The following SEPTIN9 variants were observed in gnomAD, a reference collection of about 807,000 sequenced individuals.
SEPTIN9 encodes the protein septin-9.
In SEPTIN9, 13 loss-of-function variants were observed where a neutral mutation model predicts 56.6. The observed-to-expected ratio is 0.23, with a 90% CI of 0.15 to 0.37. The LOEUF is 0.37. Among genes scored for constraint, SEPTIN9 ranks in the 10% least tolerant of loss-of-function variants. SEPTIN9 has a pLI of 1.00. For missense variants in SEPTIN9, 650 were observed against 823.1 expected (o/e 0.79, Z 2.57); for synonymous variants, 332 against 334.1 (o/e 0.99, Z 0.07).
At chr17:77,409,462 G>C (rs2036211192) in intron 3 of SEPTIN9, among the ~76,000 whole-genome samples, 1 of 151,596 alleles carries the variant, frequency 6.6e-6, no homozygotes, top group African/African-American at 2.4e-5. Flanking sequence ...GGAATGCAGC[G>C]GGTGCCGAGC....
At chr17:77,340,022 C>T (rs2033677870) in intron 2 of SEPTIN9, among the ~76,000 whole-genome samples, 2 of 147,196 alleles carry the variant, frequency 1.4e-5, no homozygotes, top group South Asian at 4.3e-4. Context: ...GATGAGGTTT[C>T]ACCACCATGT....
intron 3 of SEPTIN9, among the ~76,000 whole-genome samples, chr17:77,477,368 A>C (rs1280472795): frequency 6.6e-6 from 1 of 152,136 alleles, no homozygotes; most frequent in Admixed American, 6.5e-5. Flanking sequence ...AGATGTACTT[A>C]TTCTGAACAT....
At chr17:77,491,710 G>A (rs1397327547) in intron 8 of SEPTIN9, among the ~76,000 whole-genome samples, 1 of 150,712 alleles carries the variant, frequency 6.6e-6, no homozygotes, top group African/African-American at 2.5e-5. Context: ...GGAGGCTGAG[G>A]CAGGAGAATC....
chr17:77,477,350 G>A (rs1025146986), intron 3 of SEPTIN9, among the ~76,000 whole-genome samples: 1 of 152,062 alleles, frequency 6.6e-6, no homozygotes, highest in African/African-American at 2.4e-5. Context: ...TCTGCGCTTT[G>A]TCCCTACAGA....
chr17:77,353,609 A>C (rs1015929975), intron 2 of SEPTIN9, among the ~76,000 whole-genome samples: 1 of 151,998 alleles, frequency 6.6e-6, no homozygotes, highest in Non-Finnish European at 1.5e-5. Context: ...TCAGAATGTA[A>C]TGTTATTGGG....
chr17:77,466,054 T>TCACA (rs10599395), intron 3 of SEPTIN9, among the ~76,000 whole-genome samples: 1,407 of 127,414 alleles, frequency 0.011, 14 homozygotes, highest in African/African-American at 0.013. Context: ...TTCTGGACTG[T>TCACA]CACACACACA....
In SEPTIN9 at chr17:77,363,569, G is replaced by A. The variant is rs529164863; in HGVS notation, c.77-38490G>A. On this transcript the variant is annotated intron_variant, in intron 2 of 11. Transcript: ENST00000427177. ...CACCCGGCTAATTTTTGTATTTTTA[G>A]TAGAGATGGTGTTTCACCATGTTGG... is the stretch of plus-strand genomic sequence containing the variant. Among the ~76,000 whole-genome samples, 3 of 151,908 alleles carry A rather than the reference G, an allele frequency of 2.0e-5. No homozygotes were observed. In the East Asian group the frequency reaches 5.8e-4, roughly 29 times the overall value.
Position 77,476,675 on chromosome 17 carries a change from C to T in SEPTIN9, c.722-5469C>T, listed in dbSNP as rs2039227013. On this transcript the variant is annotated intron_variant, in intron 3 of 11. Coordinates refer to ENST00000427177, the MANE Select transcript of SEPTIN9 (RefSeq NM_001113491.2). The surrounding 1 kb of genome is among the most constrained non-coding windows in gnomAD (Gnocchi z 6.0). ...AGCGCCAGTGAATGGCAGAGGGGCC[C>T]TGGCATAAGGCCTGGGTTCAGAATG... 6.6e-6 allele frequency among the ~76,000 whole-genome samples: 1 copy of T among 152,240 alleles called. No homozygotes were observed. The highest frequency in any genetic ancestry group is 1.5e-5 in the Non-Finnish European group (1 of 68,030).
chr17:77,346,244 C>A (rs1173228540), intron 2 of SEPTIN9, among the ~76,000 whole-genome samples: 1 of 140,326 alleles, frequency 7.1e-6, no homozygotes, highest in Non-Finnish European at 1.5e-5. Context: ...GCACCTGGCC[C>A]ATTTTTCCAG....
At chr17:77,298,085 C>G (rs936275208) in intron 1 of SEPTIN9, among the ~76,000 whole-genome samples, 6 of 152,210 alleles carry the variant, frequency 3.9e-5, no homozygotes, top group Non-Finnish European at 8.8e-5. Context: ...ACCCTCCCTC[C>G]AAAGCTCAGT....
rs113210153 is a variant in SEPTIN9 at position 77,473,846 on chromosome 17, C to G, written c.722-8298C>G. ...AAGTAGACACTCAATAAATACTTGTCAAATGAATCAATGTTATGGTCCTGG... is the reference window on the plus strand; with the variant it reads ...AAGTAGACACTCAATAAATACTTGTGAAATGAATCAATGTTATGGTCCTGG... On this transcript the variant is annotated intron_variant, in intron 3 of 11. Coordinates refer to ENST00000427177, the MANE Select transcript of SEPTIN9 (RefSeq NM_001113491.2). Among the ~76,000 whole-genome samples the G allele has an allele frequency of 9.9e-3, 1,504 of 152,282 alleles. 22 individuals are homozygous for G. Among genetic ancestry groups the G allele is most frequent in the African/African-American group, 0.033 (1,365 of 41,554 alleles).
intron 3 of SEPTIN9, among the ~76,000 whole-genome samples, chr17:77,460,650 G>A (rs1258332528): frequency 6.6e-6 from 1 of 152,138 alleles, no homozygotes; most frequent in East Asian, 1.9e-4. Context: ...CAGCAGCTGG[G>A]GGCTCCTGTG....
intron 2 of SEPTIN9, among the ~76,000 whole-genome samples, chr17:77,401,603 A>G (rs1224152418): frequency 6.6e-6 from 1 of 151,898 alleles, no homozygotes; most frequent in Non-Finnish European, 1.5e-5. Context: ...AAAATTAGCC[A>G]GGCATGGTGG....
At chr17:77,409,469 G>T (rs762401058) in intron 3 of SEPTIN9, among the ~76,000 whole-genome samples, 1 of 149,760 alleles carries the variant, frequency 6.7e-6, no homozygotes, top group East Asian at 1.9e-4. Context: ...AGCGGGTGCC[G>T]AGCAGCTGTG....
intron 1 of SEPTIN9, among the ~76,000 whole-genome samples, chr17:77,297,749 C>T (rs1211100747): frequency 1.3e-5 from 2 of 152,196 alleles, no homozygotes; most frequent in East Asian, 3.8e-4. Flanking sequence ...TTGGAGTTTA[C>T]ATGCAGTAGA....
chr17:77,496,051 C>T (rs565724324), intron 10 of SEPTIN9, among the ~76,000 whole-genome samples: 24 of 142,016 alleles, frequency 1.7e-4, no homozygotes, highest in Non-Finnish European at 2.6e-4. Context: ...TTTTTTGAGA[C>T]GAAGTTTCAC....
At chr17:77,365,166 C>T (rs1206857350) in intron 2 of SEPTIN9, among the ~76,000 whole-genome samples, 1 of 152,178 alleles carries the variant, frequency 6.6e-6, no homozygotes, top group Non-Finnish European at 1.5e-5. Context: ...CCACCCACAC[C>T]GCTACATCTT....
At position 77,435,965 on chromosome 17, in the gene SEPTIN9, C is replaced by A. The variant is rs964670899; in HGVS notation, c.721+33262C>A. Among the ~76,000 whole-genome samples, 1 of 152,196 alleles carries A rather than the reference C, an allele frequency of 6.6e-6. No individual in the cohort carries two copies. The highest frequency in any genetic ancestry group is 1.5e-5 in the Non-Finnish European group (1 of 68,046). On this transcript the variant is annotated intron_variant, in intron 3 of 11. Transcript: ENST00000427177. This position sits in a 1 kb window ranked among gnomAD's most constrained non-coding sequence, Gnocchi z 4.5. Reference sequence around the variant, plus strand: ...TTTAGGGCTTGAGGCAGGGCTAGAGCATGGAGACGTTGCTGGAGGACCAAG... The same window carrying A: ...TTTAGGGCTTGAGGCAGGGCTAGAGAATGGAGACGTTGCTGGAGGACCAAG...
chr17:77,364,867 C>T (rs1482795966), intron 2 of SEPTIN9, among the ~76,000 whole-genome samples: 2 of 152,256 alleles, frequency 1.3e-5, no homozygotes. Flanking sequence ...CTTCCAGGGA[C>T]AGTCTCAGCT....
Sources: gnomAD v4.1 joint callset for allele counts (sites outside exome capture counted in the v4.1 genomes callset) on GRCh38, gnomAD v4.1.1 for gene constraint, Gnocchi (gnomAD v3.1) non-coding constraint, MANE v1.5 for transcripts, NCBI Gene and HGNC (gene_info 2026-07-23, HGNC 2026-07-21) for gene names.